The following MYO1E variants were observed in gnomAD, a reference collection of about 807,000 sequenced individuals.
The protein encoded by MYO1E is unconventional myosin-Ie.
MYO1E carries 68 observed loss-of-function variants against 151.1 expected under a neutral mutation model. The ratio of observed to expected loss-of-function variants is 0.45; its 90% CI spans 0.37 to 0.55. The LOEUF is 0.55. MYO1E is among the 20% of genes least tolerant of loss of function. The pLI is 0.00. For missense variants in MYO1E, 1,363 were observed against 1,389.3 expected (o/e 0.98, Z 0.30); for synonymous variants, 601 against 501.7 (o/e 1.20, Z -2.64).
intron 27 of MYO1E, 151 bp from the exon 28 acceptor site, chr15:59,137,607 AAGATATCTACCAAATTAATAAAGCACTC>A (rs1344458274): frequency 4.2e-6 from 3 of 711,746 alleles, no homozygotes; most frequent in Non-Finnish European, 7.6e-6. Context: ...TGAAAAAAGT[AAGATATCTACCAAATTAATAAAGCACTC>A]AGCCAAGCCC....
chr15:59,148,094 C>A (rs1490531883), intron 26 of MYO1E, among the ~76,000 whole-genome samples: 1 of 152,074 alleles, frequency 6.6e-6, no homozygotes, highest in Non-Finnish European at 1.5e-5. Context: ...GCACACAAAG[C>A]CCTTATTTAA....
chr15:59,181,289 C>G (rs2079657041), intron 18 of MYO1E, among the ~76,000 whole-genome samples: 1 of 152,200 alleles, frequency 6.6e-6, no homozygotes, highest in African/African-American at 2.4e-5. Context: ...ACAAGATAGA[C>G]TTTGCAAATC....
intron 23 of MYO1E, among the ~76,000 whole-genome samples, chr15:59,161,494 G>A (rs541694801): frequency 3.9e-5 from 6 of 152,196 alleles, no homozygotes; most frequent in African/African-American, 7.2e-5. Flanking sequence ...TGGCTAATGT[G>A]CCAGTGCCAC....
intron 13 of MYO1E, among the ~76,000 whole-genome samples, chr15:59,209,899 A>G (rs952356222): frequency 4.6e-5 from 6 of 129,760 alleles, no homozygotes; most frequent in African/African-American, 1.8e-4. Flanking sequence ...CAGTGGCACA[A>G]TCTCAGCTCA....
At chr15:59,313,370 G>A (rs143001423) in intron 1 of MYO1E, among the ~76,000 whole-genome samples, 267 of 152,276 alleles carry the variant, frequency 1.8e-3, no homozygotes, top group Non-Finnish European at 3.2e-3. Flanking sequence ...CATTATTTAA[G>A]GAAGCAACAC....
At chr15:59,357,360 A>G (rs1213250583) in intron 1 of MYO1E, among the ~76,000 whole-genome samples, 1 of 152,102 alleles carries the variant, frequency 6.6e-6, no homozygotes, top group East Asian at 1.9e-4. Context: ...GAAAGACAAA[A>G]TGCACATTAG....
At chr15:59,226,871 C>T (rs2079994925) in intron 7 of MYO1E, among the ~76,000 whole-genome samples, 1 of 152,154 alleles carries the variant, frequency 6.6e-6, no homozygotes, top group Non-Finnish European at 1.5e-5. Flanking sequence ...GTAACATAAT[C>T]AAAAAGCACC....
At chr15:59,208,395 C>G in intron 14 of MYO1E, 1 of 563,824 alleles carries the variant, frequency 1.8e-6, no homozygotes, top group Non-Finnish European at 3.2e-6. Context: ...AATTCCGACT[C>G]TTTTCATTAG....
At chr15:59,269,185 G>A (rs1303099783) in intron 2 of MYO1E, among the ~76,000 whole-genome samples, 3 of 152,150 alleles carry the variant, frequency 2.0e-5, no homozygotes, top group Non-Finnish European at 2.9e-5. Context: ...TTACACACCT[G>A]CATGGTAATA....
intron 16 of MYO1E, among the ~76,000 whole-genome samples, chr15:59,200,394 T>C (rs2079793845): frequency 6.6e-6 from 1 of 152,220 alleles, no homozygotes; most frequent in Admixed American, 6.5e-5. Flanking sequence ...CCTTCAGCAA[T>C]CTGCCCCAGT....
chr15:59,216,628 G>A (rs2079916796), intron 10 of MYO1E, among the ~76,000 whole-genome samples: 1 of 57,238 alleles, frequency 1.7e-5, no homozygotes, highest in Non-Finnish European at 4.0e-5. Flanking sequence ...CTATCTTTTG[G>A]ATCGAAGGGC....
chr15:59,177,253 T>C (rs2079630632), intron 19 of MYO1E, among the ~76,000 whole-genome samples: 1 of 148,738 alleles, frequency 6.7e-6, no homozygotes, highest in Non-Finnish European at 1.5e-5. Flanking sequence ...CACAAACGTG[T>C]CATAAATGGG....
intron 13 of MYO1E, 54 bp downstream of exon 13, chr15:59,210,460 C>G (rs148146322): frequency 8.1e-7 from 1 of 1,232,678 alleles, no homozygotes; most frequent in Non-Finnish European, 1.2e-6. Context: ...AGAATAAAAA[C>G]TCACTTAATG....
At chr15:59,178,876 T>C (rs2079641721) in intron 18 of MYO1E, among the ~76,000 whole-genome samples, 1 of 152,196 alleles carries the variant, frequency 6.6e-6, no homozygotes, top group Non-Finnish European at 1.5e-5. Flanking sequence ...TCAAACGGTC[T>C]TGTCTCAATA....
rs1435100316 is a variant in MYO1E, at chr15:59,218,093, G to C, written c.911-6C>G. On this transcript the variant is annotated splice_polypyrimidine_tract_variant and splice_region_variant and intron_variant, in intron 9 of 27. Transcript: ENST00000288235. ...ATATGCAGGAAAAGCTAAAACTGTA[G>C]AACATAAAACAAAACATGACAATCT... The C allele has an allele frequency of 6.2e-7, 1 of 1,614,024 alleles. No individual in the cohort carries two copies. Among genetic ancestry groups the C allele is most frequent in the South Asian group, 1.1e-5 (1 of 91,060 alleles).
rs556431821 is a variant in MYO1E at position 59,188,031 on chromosome 15, G to A, written c.1904+87C>T. 4.2e-5 allele frequency: 42 copies of A among 995,684 alleles called. No homozygotes were observed. The East Asian group carries it at 5.2e-4, about 12-fold the overall frequency. The allele number at this position is 995,684 out of a possible 1,614,324, so 61.7% of individuals were successfully genotyped here. On this transcript the variant is annotated intron_variant, in intron 18 of 27. Transcript: ENST00000288235. ...TGAATACGTTAAAAGCCATTGACTCGTACGCTTGAAGTGGGTGAATTGTAT... is the reference window on the plus strand; with the variant it reads ...TGAATACGTTAAAAGCCATTGACTCATACGCTTGAAGTGGGTGAATTGTAT...
At chr15:59,188,018 A>G (rs538086340) in intron 18 of MYO1E, 100 bp downstream of exon 18, 9 of 894,720 alleles carry the variant, frequency 1.0e-5, no homozygotes, top group South Asian at 9.2e-5. Flanking sequence ...AATACGTTAA[A>G]AGCCATTGAC....
intron 1 of MYO1E, among the ~76,000 whole-genome samples, chr15:59,319,863 T>G (rs2080614945): frequency 6.6e-6 from 1 of 151,740 alleles, no homozygotes; most frequent in East Asian, 1.9e-4. Context: ...GACCATGCCA[T>G]TGCACTCCAG....
chr15:59,294,465 G>A (rs138048907), intron 1 of MYO1E, among the ~76,000 whole-genome samples: 1 of 152,260 alleles, frequency 6.6e-6, no homozygotes, highest in African/African-American at 2.4e-5. Context: ...AAACCCCATT[G>A]AACTTGGAAA....
Sources: gnomAD v4.1 joint callset for allele counts (sites outside exome capture counted in the v4.1 genomes callset) on GRCh38, gnomAD v4.1.1 for gene constraint, MANE v1.5 for transcripts, NCBI Gene and HGNC (gene_info 2026-07-23, HGNC 2026-07-21) for gene names.